The following TMCO6 variants were observed in gnomAD, a reference collection of about 807,000 sequenced individuals.
TMCO6 encodes the protein transmembrane and coiled-coil domains 6.
Under a neutral mutation model 61.8 loss-of-function variants are expected in TMCO6, and 47 were observed. The ratio of observed to expected loss-of-function variants is 0.76; its 90% CI spans 0.60 to 0.97. The LOEUF is 0.97. Among genes scored for constraint, TMCO6 ranks in the 50% least tolerant of loss-of-function variants. The pLI, the probability that TMCO6 is intolerant of heterozygous loss-of-function variation, is 0.00. For missense variants in TMCO6, 557 were observed against 601.6 expected (o/e 0.93, Z 0.78); for synonymous variants, 261 against 254.2 (o/e 1.03, Z -0.25).
rs1419702104 is a variant in TMCO6, at chr5:140,644,144, A to G, written c.1150A>G (p.Ile384Val). 6.2e-7 allele frequency: 1 copy of G among 1,614,128 alleles called. No individual in the cohort carries two copies. The highest frequency in any genetic ancestry group is 8.5e-7 in the Non-Finnish European group (1 of 1,180,020). Residue 384 changes from isoleucine to valine, a missense_variant, in exon 10 of 12, where the codon ATT becomes GTT. By Grantham distance (29) the Ile-to-Val change is conservative. Transcript: ENST00000394671. Reference sequence around the variant, plus strand: ...TACCTCCTTGCTCTCCCTGGATCTGATTGAGCCTCTCTTACAGCTGTTGCC... The same window carrying G: ...TACCTCCTTGCTCTCCCTGGATCTGGTTGAGCCTCTCTTACAGCTGTTGCC... ...FCTSLLSLDL[I>V]EPLLQLLPVS...
rs779420939 is a variant in TMCO6 at position 140,643,916 on chromosome 5, AAC to A, written c.1057_1058del (p.Gln353AlafsTer6). 6.2e-7 allele frequency: 1 copy of A among 1,614,178 alleles called. No individual in the cohort carries two copies. The highest frequency in any genetic ancestry group is 1.1e-5 in the South Asian group (1 of 91,090). On this transcript the variant is annotated frameshift_variant, in exon 9 of 12. Coordinates refer to ENST00000394671, the MANE Select transcript of TMCO6 (RefSeq NM_018502.5). LOFTEE classifies it high-confidence loss of function. ...ATCCTTCTGCAGTTCTTTTTCCAGA[AAC>A]AGCCCAGTCTGCTCCCTGAGGGCCT...
the TMCO6 span, among the ~76,000 whole-genome samples, chr5:140,605,672 T>C: frequency 6.7e-6 from 1 of 148,342 alleles, no homozygotes; most frequent in Non-Finnish European, 1.5e-5. Flanking sequence ...AGAGCGAGAC[T>C]CTGTCTCAAA....
At position 140,643,887 on chromosome 5, in the gene TMCO6, A is replaced by G. The variant is rs1267864637; in HGVS notation, c.1026A>G (p.Leu342=). ...GAGATGAGCGTGTTGTGGCAGCCTT[A>G]TTTATCCTTCTGCAGTTCTTTTTCC... is the stretch of plus-strand genomic sequence containing the variant. ...QLRDERVVAA[L]FILLQFFFQK... Residue 342 remains leucine, a synonymous_variant, in exon 9 of 12, where the codon TTA becomes TTG. Coordinates refer to ENST00000394671, the MANE Select transcript of TMCO6 (RefSeq NM_018502.5). 4 of 1,613,990 alleles carry G rather than the reference A, an allele frequency of 2.5e-6. No homozygotes were observed. The African/African-American group carries it at 4.0e-5, about 16-fold the overall frequency.
At chr5:140,645,781 A>G, downstream of TMCO6, 4 of 1,539,668 alleles carry the variant, frequency 2.6e-6, no homozygotes, top group Non-Finnish European at 3.5e-6. Flanking sequence ...TAAGACAGGA[A>G]GAGTATTAAA....
the TMCO6 span, among the ~76,000 whole-genome samples, chr5:140,611,881 TC>T: frequency 8.5e-5 from 13 of 152,308 alleles, no homozygotes; most frequent in African/African-American, 3.1e-4. Context: ...GTGTTCAATG[TC>T]TTCCATTACA....
rs1757321483 is a variant in TMCO6, at chr5:140,645,126, C to A, written c.*28C>A. 1 of 1,600,960 alleles carries A rather than the reference C, an allele frequency of 6.2e-7. No individual in the cohort carries two copies. Among genetic ancestry groups the A allele is most frequent in the Non-Finnish European group, 8.6e-7 (1 of 1,168,630 alleles). On this transcript the variant is annotated 3_prime_UTR_variant, in exon 12 of 12. Coordinates refer to ENST00000394671, the MANE Select transcript of TMCO6 (RefSeq NM_018502.5). ...TTGTTTCTCAATGTCACTCATTCCC[C>A]TCTCTCTTAACATCAAGCTTGTTTG... is the stretch of plus-strand genomic sequence containing the variant.
chr5:140,613,600 C>T, the TMCO6 span, among the ~76,000 whole-genome samples: 2 of 152,036 alleles, frequency 1.3e-5, no homozygotes, highest in Non-Finnish European at 2.9e-5. Context: ...AGGTACCAGT[C>T]CCTTTTATCT....
the TMCO6 span, among the ~76,000 whole-genome samples, chr5:140,630,308 TA>T: frequency 7.4e-6 from 1 of 135,702 alleles, no homozygotes; most frequent in Admixed American, 7.3e-5. Context: ...TATTACTCTT[TA>T]AAAAAAATTT....
upstream of TMCO6, among the ~76,000 whole-genome samples, chr5:140,635,045 G>T (rs1756735378): frequency 6.6e-6 from 1 of 152,162 alleles, no homozygotes; most frequent in African/African-American, 2.4e-5. Context: ...GCCTCCCAAA[G>T]TGCTGGGATT....
chr5:140,638,611 A>G (rs1390008669), upstream of TMCO6: 9 of 149,402 alleles, frequency 6.0e-5, no homozygotes, highest in African/African-American at 2.0e-4. Context: ...ACCCCAGGCA[A>G]TGGGGCGCGA....
At chr5:140,636,878 G>T (rs1756782425), upstream of TMCO6, among the ~76,000 whole-genome samples, 1 of 152,114 alleles carries the variant, frequency 6.6e-6, no homozygotes. Context: ...AAAATTAGAG[G>T]TTTCCTGTAA....
At chr5:140,603,719 A>G in the TMCO6 span, among the ~76,000 whole-genome samples, 13 of 152,088 alleles carry the variant, frequency 8.5e-5, no homozygotes, top group Admixed American at 2.0e-4. Flanking sequence ...TGTTCATATC[A>G]CAATTTATTT....
At chr5:140,647,623 C>T, downstream of TMCO6, 1 of 1,598,316 alleles carries the variant, frequency 6.3e-7, no homozygotes, top group South Asian at 1.1e-5. Flanking sequence ...GGTCTTCAGG[C>T]CAAGTGCTCC....
chr5:140,598,416 C>T, the TMCO6 span, among the ~76,000 whole-genome samples: 1 of 152,114 alleles, frequency 6.6e-6, no homozygotes, highest in Admixed American at 6.5e-5. Flanking sequence ...TTCCAATTCC[C>T]TATTAAACTG....
chr5:140,644,486 G>T, intron 10 of TMCO6, 87 bp from the exon 11 acceptor site: 2 of 1,480,020 alleles, frequency 1.4e-6, no homozygotes, highest in African/African-American at 2.8e-5. Context: ...TGGTGCCTGG[G>T]CATGTGGTCA....
the TMCO6 span, among the ~76,000 whole-genome samples, chr5:140,614,439 C>T: frequency 2.0e-5 from 3 of 151,956 alleles, no homozygotes; most frequent in Non-Finnish European, 4.4e-5. Flanking sequence ...ACCCGGGAAG[C>T]AGAGGTTGCA....
At chr5:140,646,286 C>T (rs576606273), downstream of TMCO6, among the ~76,000 whole-genome samples, 17 of 152,278 alleles carry the variant, frequency 1.1e-4, no homozygotes, top group African/African-American at 3.9e-4. Flanking sequence ...GCTGGGATTA[C>T]AGGCGTGAAC....
the TMCO6 span, among the ~76,000 whole-genome samples, chr5:140,619,862 G>C: frequency 2.6e-5 from 4 of 152,186 alleles, no homozygotes; most frequent in Non-Finnish European, 5.9e-5. Flanking sequence ...ACACCTTTTA[G>C]AATGCCCAAA....
At chr5:140,613,907 T>A in the TMCO6 span, among the ~76,000 whole-genome samples, 1 of 149,946 alleles carries the variant, frequency 6.7e-6, no homozygotes, top group African/African-American at 2.5e-5. Flanking sequence ...GTTGTTGTTG[T>A]TGTTGTTTTG....
Sources: allele counts gnomAD v4.1 joint callset (sites outside exome capture counted in the v4.1 genomes callset), GRCh38; gene constraint gnomAD v4.1.1; transcripts MANE v1.5; gene names NCBI Gene and HGNC (gene_info 2026-07-23, HGNC 2026-07-21).